Variants in VWA8 observed in about 807,000 individuals in gnomAD.
VWA8 encodes von Willebrand factor A domain-containing protein 8.
Under a neutral mutation model 241.5 loss-of-function variants are expected in VWA8, and 221 were observed. The ratio of observed to expected loss-of-function variants is 0.91; its 90% confidence interval spans 0.82 to 1.02. The LOEUF is 1.02. Ranked by LOEUF, VWA8 falls within the 50% of genes least tolerant of loss-of-function variation. The probability of loss-of-function intolerance (pLI) is 0.00; values close to 1 mark genes in which losing one functional copy is unlikely to be tolerated. For synonymous variants in VWA8, 852 were observed against 827.1 expected (o/e 1.03, Z -0.52); for missense variants, 2,322 against 2,328.7 (o/e 1.00, Z 0.06).
chr13:41,750,470 C>CA (rs199864418), intron 21 of VWA8, among the ~76,000 whole-genome samples: 7,527 of 119,852 alleles, frequency 0.063, 254 homozygotes, highest in Non-Finnish European at 0.091. Context: ...AAAACAAAAA[C>CA]AAAAAAAAAA....
At chr13:41,718,943 T>A (rs985766378) in intron 26 of VWA8, among the ~76,000 whole-genome samples, 2 of 151,886 alleles carry the variant, frequency 1.3e-5, no homozygotes, top group African/African-American at 4.8e-5. Context: ...AAAACTATTT[T>A]CTAGTGAATT....
At chr13:41,609,754 C>T (rs1016053157) in intron 39 of VWA8, among the ~76,000 whole-genome samples, 4 of 152,164 alleles carry the variant, frequency 2.6e-5, no homozygotes, top group African/African-American at 7.2e-5. Flanking sequence ...CTTTCTCACA[C>T]GCTTGGCCAA....
Position 41,737,124 on chromosome 13 carries a change from C to T in VWA8, c.2427-4969G>A, listed in dbSNP as rs986426939. Reference sequence around the variant, plus strand: ...GGATTAAAGGCGTGAGCCACCATGCCCAGCTGCTCAACATTTCAAACAGAA... The same window carrying T: ...GGATTAAAGGCGTGAGCCACCATGCTCAGCTGCTCAACATTTCAAACAGAA... On this transcript the variant is annotated intron_variant, in intron 21 of 44. Transcript: ENST00000379310. Among the ~76,000 whole-genome samples the T allele has an allele frequency of 2.0e-5, 3 of 151,948 alleles. No homozygotes were observed. The South Asian group carries it at 6.2e-4, about 32-fold the overall frequency.
intron 37 of VWA8, among the ~76,000 whole-genome samples, chr13:41,635,333 A>T (rs1266376625): frequency 6.6e-6 from 1 of 152,182 alleles, no homozygotes; most frequent in African/African-American, 2.4e-5. Flanking sequence ...AAATGGATAG[A>T]AGAAACATGA....
rs1191111737 is a variant in VWA8 at position 41,784,156 on chromosome 13, C to A, written c.2171-255G>T. Among the ~76,000 whole-genome samples the A allele has an allele frequency of 1.1e-4, 16 of 147,602 alleles. No individual in the cohort carries two copies. Among genetic ancestry groups the A allele is most frequent in the African/African-American group, 3.5e-4 (14 of 39,892 alleles). On this transcript the variant is annotated intron_variant, in intron 18 of 44. Coordinates refer to ENST00000379310, the MANE Select transcript of VWA8 (RefSeq NM_015058.2). ...AATTGTGAGAAACTAAAAAAAAAAA[C>A]AAAACAAAAAACCAGAATACAGTCA...
chr13:41,691,675 T>C (rs926277721), intron 31 of VWA8, among the ~76,000 whole-genome samples, 199 bp downstream of exon 31: 3 of 152,142 alleles, frequency 2.0e-5, no homozygotes, highest in African/African-American at 7.2e-5. Flanking sequence ...ATGTTAGTAG[T>C]GGCTATGTCA....
Position 41,885,938 on chromosome 13 carries a change from T to G in VWA8, c.957A>C (p.Ala319=), listed in dbSNP as rs114741192. The G allele has an allele frequency of 2.5e-6, 4 of 1,591,760 alleles. No homozygotes were observed. In the Admixed American group the frequency reaches 7.5e-5, roughly 30 times the overall value. Residue 319 remains alanine, a synonymous_variant, in exon 8 of 45, where the codon GCA becomes GCC. Transcript: ENST00000379310. ...TACTTACCAAGATTTGAACCGCAGC[T>G]GCTAAACTATCTAAAGGAAAGTCTG... ...GLPDFPLDSL[A]AAVQILDSFP...
intron 2 of VWA8, among the ~76,000 whole-genome samples, chr13:41,922,051 G>T (rs553730878): frequency 7.9e-5 from 12 of 152,044 alleles, no homozygotes; most frequent in East Asian, 1.9e-4. Context: ...AAGGCTACAG[G>T]AACCAAAACA....
At chr13:41,923,034 C>A (rs2138129277) in intron 2 of VWA8, among the ~76,000 whole-genome samples, 1 of 152,260 alleles carries the variant, frequency 6.6e-6, no homozygotes, top group South Asian at 2.1e-4. Context: ...TGGAACCAAC[C>A]CAAATGTCCA....
chr13:41,869,566 G>A (rs1030212557), intron 9 of VWA8, among the ~76,000 whole-genome samples: 7 of 145,854 alleles, frequency 4.8e-5, no homozygotes, highest in Non-Finnish European at 8.9e-5. Flanking sequence ...CAGAGACAGA[G>A]GTTGCAGTGA....
intron 40 of VWA8, among the ~76,000 whole-genome samples, chr13:41,599,952 C>T (rs1251701548): frequency 6.6e-6 from 1 of 152,112 alleles, no homozygotes; most frequent in African/African-American, 2.4e-5. Flanking sequence ...CTTTCAAACG[C>T]TTTTGCATGG....
At chr13:41,804,705 A>T (rs1452160589) in intron 17 of VWA8, among the ~76,000 whole-genome samples, 1 of 152,148 alleles carries the variant, frequency 6.6e-6, no homozygotes, top group Non-Finnish European at 1.5e-5. Flanking sequence ...AATAACTACA[A>T]CAGCTTCTCA....
chr13:41,656,836 CAAAACCACT>C (rs911943359), intron 37 of VWA8, among the ~76,000 whole-genome samples: 1 of 152,138 alleles, frequency 6.6e-6, no homozygotes, highest in African/African-American at 2.4e-5. Context: ...CTCTTGCTGT[CAAAACCACT>C]AAAAAATAAA....
At position 41,708,133 on chromosome 13, in the gene VWA8, G is replaced by A. The variant is rs190607145; in HGVS notation, c.3117-4722C>T. Among the ~76,000 whole-genome samples the A allele has an allele frequency of 3.1e-3, 475 of 152,110 alleles. 2 individuals are homozygous for A. The highest frequency in any genetic ancestry group is 0.011 in the African/African-American group (441 of 41,484). On this transcript the variant is annotated intron_variant, in intron 26 of 44. Coordinates refer to ENST00000379310, the MANE Select transcript of VWA8 (RefSeq NM_015058.2). The stretch of plus-strand genomic sequence containing the variant: ...AGCACTTTGGGAGGCCGAGGCGGGC[G>A]GATCACCTGAGGTCGGGAGTTCGAG...
chr13:41,865,236 T>C, intron 12 of VWA8: 1 of 310,636 alleles, frequency 3.2e-6, no homozygotes, highest in South Asian at 2.5e-5. Flanking sequence ...GATATTTTGA[T>C]ACATTCATAT....
intron 26 of VWA8, among the ~76,000 whole-genome samples, chr13:41,717,118 C>T (rs983616406): frequency 2.6e-5 from 4 of 151,914 alleles, no homozygotes; most frequent in African/African-American, 9.7e-5. Context: ...TGATGATCCA[C>T]AATGAAGATA....
At chr13:41,652,723 A>G (rs7994311) in intron 37 of VWA8, among the ~76,000 whole-genome samples, 5,954 of 152,234 alleles carry the variant, frequency 0.039, 145 homozygotes, top group South Asian at 0.078. Flanking sequence ...GTCAGAGGAA[A>G]TTTCTCTGTG....
Position 41,576,647 on chromosome 13 carries a change from G to A in VWA8, c.5272-809C>T, listed in dbSNP as rs118024700. On this transcript the variant is annotated intron_variant, in intron 42 of 44. Coordinates refer to ENST00000379310, the MANE Select transcript of VWA8 (RefSeq NM_015058.2). The stretch of plus-strand genomic sequence containing the variant: ...GGTGAAGACCTAACAGTTATCCCCA[G>A]GAGGGAATAAATGGAGGCCCATATA... 3.7e-3 allele frequency among the ~76,000 whole-genome samples: 569 copies of A among 152,336 alleles called. 7 individuals carry two copies. The highest frequency in any genetic ancestry group is 3.8e-3 in the Non-Finnish European group (260 of 68,030).
intron 21 of VWA8, among the ~76,000 whole-genome samples, chr13:41,736,844 CTTTT>C (rs5803100): frequency 6.2e-5 from 8 of 128,480 alleles, no homozygotes; most frequent in Admixed American, 8.1e-5. Flanking sequence ...TTTTTCTTTT[CTTTT>C]TTTTTTTTTT....
Sources: allele counts gnomAD v4.1 joint callset (sites outside exome capture counted in the v4.1 genomes callset), GRCh38; gene constraint gnomAD v4.1.1; transcripts MANE v1.5; gene names NCBI Gene and HGNC (gene_info 2026-07-23, HGNC 2026-07-21).